ITGB4: variants seen among roughly 807,000 people sequenced by gnomAD.
ITGB4 encodes the protein integrin beta-4.
Under a neutral mutation model 207.6 loss-of-function variants are expected in ITGB4, and 159 were observed. The ratio of observed to expected loss-of-function variants is 0.77; its 90% confidence interval spans 0.67 to 0.87. The LOEUF (loss-of-function observed/expected upper bound fraction) is 0.87. Ranked by LOEUF, ITGB4 falls within the 40% of genes least tolerant of loss-of-function variation. The probability of loss-of-function intolerance (pLI) is 0.00; values close to 1 mark genes in which losing one functional copy is unlikely to be tolerated. For missense variants in ITGB4, 2,278 were observed against 2,546.8 expected (o/e 0.89, Z 2.27); for synonymous variants, 1,020 against 1,062.7 (o/e 0.96, Z 0.78).
In ITGB4 at chr17:75,749,050, G is replaced by C; in HGVS notation, c.3316+5G>C. The C allele has an allele frequency of 6.2e-7, 1 of 1,607,788 alleles. No homozygotes were observed. The highest frequency in any genetic ancestry group is 8.5e-7 in the Non-Finnish European group (1 of 1,178,894). On this transcript the variant is annotated splice_donor_5th_base_variant and intron_variant, in intron 27 of 39. Coordinates refer to ENST00000200181, the MANE Select transcript of ITGB4 (RefSeq NM_000213.5). ...CCATCATCATCAGGGACCCAGGTAGGCAGAGCCTGGGGGTCGGCTTAAGCA... is the reference window on the plus strand; with the variant it reads ...CCATCATCATCAGGGACCCAGGTAGCCAGAGCCTGGGGGTCGGCTTAAGCA...
At chr17:75,723,466 C>A (rs989847776) in intron 1 of ITGB4, among the ~76,000 whole-genome samples, 14 of 152,202 alleles carry the variant, frequency 9.2e-5, no homozygotes, top group African/African-American at 3.4e-4. Flanking sequence ...GGCGGCTACA[C>A]CCCGAGGCTG....
chr17:75,740,957 C>T lies in ITGB4; in HGVS notation c.2610-25C>T. ...GCCTCCACTTCAGGGCTATCTAGCT[C>T]ACAGCGCCCTCTTTGTCCCCACAGG... On this transcript the variant is annotated intron_variant, in intron 22 of 39. Transcript: ENST00000200181. The surrounding 1 kb of genome is among the most constrained non-coding windows in gnomAD (Gnocchi z 5.9). 1.9e-6 allele frequency: 3 copies of T among 1,614,024 alleles called. No homozygotes were observed. Among genetic ancestry groups the T allele is most frequent in the Non-Finnish European group, 1.7e-6 (2 of 1,180,020 alleles).
chr17:75,738,906 T>A (rs533093187), intron 18 of ITGB4, among the ~76,000 whole-genome samples: 1 of 149,932 alleles, frequency 6.7e-6, no homozygotes, highest in South Asian at 2.1e-4. Context: ...AGTCTGGGAG[T>A]TTGAGGCTAC....
At position 75,754,640 on chromosome 17, in the gene ITGB4, GACCACGA is replaced by G. The variant is rs776714484; in HGVS notation, c.4384_4390del (p.Thr1462ProfsTer10). ...GCAGCACCAACTCCCTGCACAGGAT[GACCACGA>G]CCAGTGCTGCTGCCTATGGCACCCA... is the stretch of plus-strand genomic sequence containing the variant. On this transcript the variant is annotated frameshift_variant, in exon 34 of 40. Coordinates refer to ENST00000200181, the MANE Select transcript of ITGB4 (RefSeq NM_000213.5). LOFTEE classifies it high-confidence loss of function. 1 of 1,614,024 alleles carries G rather than the reference GACCACGA, an allele frequency of 6.2e-7. No individual in the cohort carries two copies. The highest frequency in any genetic ancestry group is 1.7e-5 in the Admixed American group (1 of 60,022).
chr17:75,752,652 G>A, intron 32 of ITGB4, 75 bp downstream of exon 32: 1 of 1,576,516 alleles, frequency 6.3e-7, no homozygotes, highest in Middle Eastern at 1.7e-4. Context: ...GGTCCAGAGA[G>A]GGCAAAGGGG....
chr17:75,753,720 C>G, intron 32 of ITGB4, 45 bp from the exon 33 acceptor site: 1 of 1,299,994 alleles, frequency 7.7e-7, no homozygotes, highest in Non-Finnish European at 9.9e-7. Flanking sequence ...CTGCTCGGCC[C>G]GGCGCCCCCC....
chr17:75,727,609 G>A lies in ITGB4; in HGVS notation c.265-42G>A, dbSNP rs539701067. The A allele has an allele frequency of 2.1e-5, 33 of 1,582,590 alleles. No homozygotes were observed. Among genetic ancestry groups the A allele is most frequent in the South Asian group, 3.4e-5 (3 of 88,276 alleles). ...CGGGCTGGGCCCCCATCGGGCCTCC[G>A]GAGTGACCCTCTAGCCAGCTGTCCC... On this transcript the variant is annotated intron_variant, in intron 4 of 39. Coordinates refer to ENST00000200181, the MANE Select transcript of ITGB4 (RefSeq NM_000213.5). The surrounding 1 kb of genome is among the most constrained non-coding windows in gnomAD (Gnocchi z 6.0).
intron 27 of ITGB4, among the ~76,000 whole-genome samples, chr17:75,749,505 C>A (rs2061316796): frequency 6.6e-6 from 1 of 152,142 alleles, no homozygotes; most frequent in African/African-American, 2.4e-5. Context: ...AGCACCTGGG[C>A]CATGGAATGA....
At position 75,750,410 on chromosome 17, in the gene ITGB4, C is replaced by T. The variant is rs148606741; in HGVS notation, c.3474+142C>T. 3,109 of 924,120 alleles carry T rather than the reference C, an allele frequency of 3.4e-3. 20 individuals carry two copies. Among genetic ancestry groups the T allele is most frequent in the Non-Finnish European group, 4.2e-3 (2,628 of 618,410 alleles). The allele number at this position is 924,120 out of a possible 1,614,324, so 57.2% of individuals were successfully genotyped here. Reference sequence around the variant, plus strand: ...TAGCACAGGTGGTCAGAGGGAAACCCGGTCTGTGCTGGGAAAGAGGGAAGA... The same window carrying T: ...TAGCACAGGTGGTCAGAGGGAAACCTGGTCTGTGCTGGGAAAGAGGGAAGA... On this transcript the variant is annotated intron_variant, in intron 28 of 39. Transcript: ENST00000200181. The surrounding 1 kb of genome is among the most constrained non-coding windows in gnomAD (Gnocchi z 5.5).
At position 75,736,358 on chromosome 17, in the gene ITGB4, A is replaced by T; in HGVS notation, c.1832A>T (p.Asp611Val). The change falls in exon 15 of 40, where the codon GAC (aspartate) becomes GTC (valine). Residue 611 changes from aspartate (D) to valine (V), a missense_variant. Transcript: ENST00000200181. The stretch of plus-strand genomic sequence containing the variant: ...TGCCACCAGCAGTCGCTCTACACGG[A>T]CACCATCTGCGAGATCAACTACTCG... ...CHCHQQSLYT[D>V]TICEINYSAI... The T allele has an allele frequency of 6.2e-7, 1 of 1,614,176 alleles. No homozygotes were observed. Among genetic ancestry groups the T allele is most frequent in the Non-Finnish European group, 8.5e-7 (1 of 1,180,038 alleles).
chr17:75,753,945 C>A lies in ITGB4; in HGVS notation c.4289C>A (p.Pro1430His), dbSNP rs1221590559. 4 of 1,273,546 alleles carry A rather than the reference C, an allele frequency of 3.1e-6. No individual in the cohort carries two copies. Among genetic ancestry groups the A allele is most frequent in the Non-Finnish European group, 3.9e-6 (4 of 1,015,502 alleles). The allele number at this position is 1,273,546 out of a possible 1,614,324, so 78.9% of individuals were successfully genotyped here. A position where few individuals can be genotyped will look rare whatever the true frequency, so the allele number is the denominator to read the frequency against. Residue 1430 changes from proline (P) to histidine (H), a missense_variant, in exon 33 of 40, where the codon CCC becomes CAC. By Grantham distance (77) the Pro-to-His change is moderately conservative. Coordinates refer to ENST00000200181, the MANE Select transcript of ITGB4 (RefSeq NM_000213.5). The stretch of plus-strand genomic sequence containing the variant: ...GCGGGCGGGAAGGGCGGCAGCCTGC[C>A]CCGCAGTGCGACACCCGGGCCCCCC... ...GGAGGKGGSL[P>H]RSATPGPPGE...
In ITGB4 at chr17:75,748,948, C is replaced by T; in HGVS notation, c.3219C>T (p.Gly1073=). 1 of 1,613,322 alleles carries T rather than the reference C, an allele frequency of 6.2e-7. No individual in the cohort carries two copies. Among genetic ancestry groups the T allele is most frequent in the Non-Finnish European group, 8.5e-7 (1 of 1,179,960 alleles). Residue 1073 remains glycine (G), a synonymous_variant, in exon 27 of 40, where the codon GGC becomes GGT. Coordinates refer to ENST00000200181, the MANE Select transcript of ITGB4 (RefSeq NM_000213.5). ...AAGAAGTTGACTCCCTCCTGCGGGGCCGCCAGGTCCGCCGTTTCCACGTCC... is the reference window on the plus strand; with the variant it reads ...AAGAAGTTGACTCCCTCCTGCGGGGTCGCCAGGTCCGCCGTTTCCACGTCC... ...ELQEVDSLLR[G]RQVRRFHVQL... is the part of the protein sequence containing the mutation.
At position 75,755,050 on chromosome 17, in the gene ITGB4, C is replaced by T. The variant is rs762655354; in HGVS notation, c.4558+235C>T. 4 of 1,594,356 alleles carry T rather than the reference C, an allele frequency of 2.5e-6. No individual in the cohort carries two copies. In the South Asian group the frequency reaches 3.4e-5, roughly 14 times the overall value. On this transcript the variant is annotated intron_variant, in intron 34 of 39. Coordinates refer to ENST00000200181, the MANE Select transcript of ITGB4 (RefSeq NM_000213.5). ...TCCTCTCACTCTTGTTTTGTCCTGC[C>T]CTAGGCCTCCCTCCCATCTGGGAAC... is the stretch of plus-strand genomic sequence containing the variant.
At chr17:75,734,087 G>C (rs2060921977) in intron 13 of ITGB4, among the ~76,000 whole-genome samples, 1 of 147,890 alleles carries the variant, frequency 6.8e-6, no homozygotes, top group Non-Finnish European at 1.5e-5. Context: ...TCTCTCCAAA[G>C]ATGCTAAATT....
rs145039852 is a variant in ITGB4, at chr17:75,732,176, G to T, written c.1391G>T (p.Arg464Leu). The T allele has an allele frequency of 6.2e-7, 1 of 1,614,002 alleles. No individual in the cohort carries two copies. The highest frequency in any genetic ancestry group is 1.3e-5 in the African/African-American group (1 of 74,940). The change falls in exon 12 of 40, where the codon CGG becomes CTG. Residue 464 changes from arginine (R) to leucine (L), a missense_variant. Transcript: ENST00000200181. The surrounding 1 kb of genome is among the most constrained non-coding windows in gnomAD (Gnocchi z 5.3). ...CTCTCATTCCAGCAAAAAGAGGTGC[G>T]GTCAGCTCGCTGCAGCTTCAACGGA... ...VCTCELQKEV[R>L]SARCSFNGDF...
rs192300055 is a variant in ITGB4, at chr17:75,748,423, A to G, written c.3112-418A>G. On this transcript the variant is annotated intron_variant, in intron 26 of 39. Transcript: ENST00000200181. ...GGTGGCTCATGTCTGTAATCCCAGC[A>G]CTTTGGGAGGCCAAGGTGGGAGGAT... Among the ~76,000 whole-genome samples, 359 of 151,982 alleles carry G rather than the reference A, an allele frequency of 2.4e-3. 3 individuals carry two copies. Among genetic ancestry groups the G allele is most frequent in the African/African-American group, 8.2e-3 (340 of 41,424 alleles).
rs929917628 is a variant in ITGB4, at chr17:75,741,078, T to G, written c.2633+73T>G. 2.4e-5 allele frequency: 37 copies of G among 1,538,384 alleles called. No homozygotes were observed. The African/African-American group carries it at 3.7e-4, about 15-fold the overall frequency. Reference sequence around the variant, plus strand: ...TGTCCCCAGCCCAGCCACTGCCTCGTCCGTCCCTACTCCATCTCCATCCCA... The same window carrying G: ...TGTCCCCAGCCCAGCCACTGCCTCGGCCGTCCCTACTCCATCTCCATCCCA... On this transcript the variant is annotated intron_variant, in intron 23 of 39. Coordinates refer to ENST00000200181, the MANE Select transcript of ITGB4 (RefSeq NM_000213.5).
intron 13 of ITGB4, among the ~76,000 whole-genome samples, chr17:75,734,135 T>C (rs935568652): frequency 1.4e-5 from 2 of 140,630 alleles, no homozygotes; most frequent in African/African-American, 5.4e-5. Flanking sequence ...CTGTTTTTTT[T>C]TTTTTTTTTT....
chr17:75,741,686 A>G (rs1377144045), intron 23 of ITGB4, among the ~76,000 whole-genome samples: 1 of 151,970 alleles, frequency 6.6e-6, no homozygotes, highest in East Asian at 1.9e-4. Context: ...GGCACCTGTA[A>G]TCCCAGCTAC....
Sources: gnomAD v4.1 joint callset for allele counts (sites outside exome capture counted in the v4.1 genomes callset) on GRCh38, gnomAD v4.1.1 for gene constraint, Gnocchi (gnomAD v3.1) non-coding constraint, MANE v1.5 for transcripts, NCBI Gene and HGNC (gene_info 2026-07-23, HGNC 2026-07-21) for gene names.